The following TENM4 variants were observed in gnomAD, a reference collection of about 807,000 sequenced individuals.
The protein encoded by TENM4 is teneurin-4.
A neutral mutation model predicts 243.3 loss-of-function variants in TENM4; 82 were observed. The observed-to-expected ratio is 0.34, with a 90% CI of 0.28 to 0.40. The LOEUF (loss-of-function observed/expected upper bound fraction) is 0.40. TENM4 is among the 10% of genes least tolerant of loss of function. The probability of loss-of-function intolerance (pLI) is 1.00; values close to 1 mark genes in which losing one functional copy is unlikely to be tolerated. For missense variants in TENM4, 3,138 were observed against 3,673.3 expected (o/e 0.85, Z 3.77); for synonymous variants, 1,412 against 1,456.3 (o/e 0.97, Z 0.69).
At chr11:78,976,961 C>A (rs561725177) in intron 6 of TENM4, among the ~76,000 whole-genome samples, 1 of 152,226 alleles carries the variant, frequency 6.6e-6, no homozygotes, top group Non-Finnish European at 1.5e-5. Flanking sequence ...CACTCTCGCA[C>A]TCAGCAATAT....
In TENM4 at chr11:79,069,996, C is replaced by A; in HGVS notation, c.-52G>T. ...CCACAAACAGGGTCCTCGCCGCACT[C>A]AGGGCCGAGTGGTCTAGAGCCAGGG... On this transcript the variant is annotated 5_prime_UTR_variant, in exon 5 of 34. Coordinates refer to ENST00000278550, the MANE Select transcript of TENM4 (RefSeq NM_001098816.3). 1.3e-6 allele frequency: 2 copies of A among 1,528,740 alleles called. No individual in the cohort carries two copies. The highest frequency in any genetic ancestry group is 2.4e-5 in the South Asian group (2 of 81,846). The allele number at this position is 1,528,740 out of a possible 1,614,324, so 94.7% of individuals were successfully genotyped here.
At chr11:78,994,512 T>C (rs1225413687) in intron 6 of TENM4, among the ~76,000 whole-genome samples, 1 of 152,256 alleles carries the variant, frequency 6.6e-6, no homozygotes, top group Non-Finnish European at 1.5e-5. Context: ...GGAACGACCA[T>C]GTAACTTGTG....
intron 6 of TENM4, among the ~76,000 whole-genome samples, chr11:79,032,845 A>AT (rs948953360): frequency 1.1e-4 from 16 of 152,084 alleles, no homozygotes; most frequent in African/African-American, 3.6e-4. Flanking sequence ...AGGGACTGAT[A>AT]TTTTTTTCCC....
intron 12 of TENM4, among the ~76,000 whole-genome samples, chr11:78,846,645 C>T (rs1216399242): frequency 6.6e-6 from 1 of 152,236 alleles, no homozygotes; most frequent in Non-Finnish European, 1.5e-5. Flanking sequence ...CCTTCCACCT[C>T]AATTACATGG....
intron 4 of TENM4, among the ~76,000 whole-genome samples, chr11:79,147,540 A>G (rs951577599): frequency 3.3e-5 from 5 of 152,210 alleles, no homozygotes; most frequent in African/African-American, 4.8e-5. Flanking sequence ...AGATGTGAAC[A>G]CTACTGTATC....
chr11:78,929,204 G>A (rs7931447), intron 6 of TENM4, among the ~76,000 whole-genome samples: 2 of 152,166 alleles, frequency 1.3e-5, no homozygotes, highest in African/African-American at 2.4e-5. Context: ...CTTGCCTTCT[G>A]CTAGGATATT....
intron 2 of TENM4, chr11:79,220,918 C>G (rs1864143582): frequency 6.6e-6 from 1 of 152,206 alleles, no homozygotes; most frequent in African/African-American, 2.4e-5. Flanking sequence ...CCTTTAGGAG[C>G]ACATCCAATC....
intron 1 of TENM4, among the ~76,000 whole-genome samples, chr11:79,373,786 T>C (rs1857835498): frequency 6.6e-6 from 1 of 152,210 alleles, no homozygotes; most frequent in Admixed American, 6.5e-5. Context: ...ATAAAATATA[T>C]TTGTTTTCTA....
At chr11:79,409,937 C>G (rs943443543) in intron 1 of TENM4, among the ~76,000 whole-genome samples, 2 of 152,114 alleles carry the variant, frequency 1.3e-5, no homozygotes, top group African/African-American at 2.4e-5. Context: ...ATTAAATTAC[C>G]CTCTGTTTAC....
intron 2 of TENM4, among the ~76,000 whole-genome samples, chr11:79,216,510 C>T (rs1470974436): frequency 1.3e-5 from 2 of 152,174 alleles, no homozygotes; most frequent in Non-Finnish European, 2.9e-5. Context: ...AGTGTTGGAA[C>T]CTAAATTCCT....
In TENM4 at chr11:78,701,574, C is replaced by T; in HGVS notation, c.5039G>A (p.Gly1680Asp). 6.2e-7 allele frequency: 1 copy of T among 1,600,444 alleles called. No individual in the cohort carries two copies. ...LAMMTYHGNS[G>D]LLATKSNENG... ...TTCATTGCTTTTGGTTGCCAGAAGG[C>T]CGGAATTGCCATGGTATGTCATCAT... Residue 1680 changes from glycine to aspartate, a missense_variant, in exon 28 of 34, where the codon GGC (glycine) becomes GAC (aspartate). Coordinates refer to ENST00000278550, the MANE Select transcript of TENM4 (RefSeq NM_001098816.3).
intron 2 of TENM4, among the ~76,000 whole-genome samples, chr11:79,272,132 A>ACC (rs1565277842): frequency 1.8e-4 from 28 of 151,864 alleles, no homozygotes; most frequent in African/African-American, 6.3e-4. Flanking sequence ...CACCTCCCAC[A>ACC]TCCCACCTCC....
intron 6 of TENM4, among the ~76,000 whole-genome samples, chr11:78,989,793 C>G (rs1412895672): frequency 1.3e-5 from 2 of 152,170 alleles, no homozygotes; most frequent in African/African-American, 4.8e-5. Flanking sequence ...ATGGCTCACG[C>G]CTGTAATCCT....
chr11:78,710,397 T>G (rs1264906390), intron 26 of TENM4, among the ~76,000 whole-genome samples: 1 of 152,218 alleles, frequency 6.6e-6, no homozygotes, highest in Non-Finnish European at 1.5e-5. Context: ...CTCTGAGTGC[T>G]GAGAACCTGC....
At chr11:79,187,183 C>T (rs1236049562) in intron 3 of TENM4, among the ~76,000 whole-genome samples, 1 of 152,160 alleles carries the variant, frequency 6.6e-6, no homozygotes, top group Non-Finnish European at 1.5e-5. Context: ...ACGACTTGAG[C>T]CTCATCTATT....
chr11:79,254,775 G>C (rs1855672390), intron 2 of TENM4, among the ~76,000 whole-genome samples: 1 of 152,184 alleles, frequency 6.6e-6, no homozygotes, highest in Admixed American at 6.5e-5. Flanking sequence ...CAAGCAGCTG[G>C]TGTACAGGAA....
intron 18 of TENM4, among the ~76,000 whole-genome samples, chr11:78,763,047 T>C (rs149694498): frequency 3.4e-4 from 52 of 152,220 alleles, no homozygotes; most frequent in African/African-American, 1.2e-3. Flanking sequence ...CGTAAGTTGG[T>C]TGACTTATAA....
chr11:78,702,467 G>A, intron 27 of TENM4, 64 bp from the exon 28 acceptor site: 1 of 1,547,696 alleles, frequency 6.5e-7, no homozygotes, highest in Non-Finnish European at 8.7e-7. Context: ...CCATCCCATA[G>A]CCCATGTAGC....
intron 23 of TENM4, among the ~76,000 whole-genome samples, chr11:78,723,424 G>T (rs1044676342): frequency 6.6e-6 from 1 of 152,248 alleles, no homozygotes; most frequent in African/African-American, 2.4e-5. Flanking sequence ...CGCAGAGCTT[G>T]ACACAGAGTA....
Sources: gnomAD v4.1 joint callset for allele counts (sites outside exome capture counted in the v4.1 genomes callset) on GRCh38, gnomAD v4.1.1 for gene constraint, MANE v1.5 for transcripts, NCBI Gene and HGNC (gene_info 2026-07-23, HGNC 2026-07-21) for gene names.